The following HEPHL1 variants were observed in gnomAD, a reference collection of about 807,000 sequenced individuals.
HEPHL1 encodes ferroxidase HEPHL1.
Under a neutral mutation model 122.0 loss-of-function variants are expected in HEPHL1, and 123 were observed. That is an observed-to-expected ratio of 1.01 (90% CI 0.87 to 1.17). The LOEUF (loss-of-function observed/expected upper bound fraction) is 1.17, where lower values mean the gene tolerates loss of function less well. HEPHL1 is among the 50% of genes most tolerant of loss of function. The pLI is 0.00. For missense variants in HEPHL1, 1,452 were observed against 1,430.5 expected, an observed-to-expected ratio of 1.01 and a Z score of -0.24; for synonymous variants, 527 against 508.9, an observed-to-expected ratio of 1.04 and a Z score of -0.48.
intron 1 of HEPHL1, among the ~76,000 whole-genome samples, chr11:94,027,613 A>G (rs925270195): frequency 3.3e-5 from 5 of 152,196 alleles, no homozygotes; most frequent in Non-Finnish European, 7.4e-5. Context: ...TGATAGCTCT[A>G]CCATGGTCAC....
At chr11:94,096,412 AT>A (rs1946314320) in intron 13 of HEPHL1, among the ~76,000 whole-genome samples, 1 of 152,128 alleles carries the variant, frequency 6.6e-6, no homozygotes, top group African/African-American at 2.4e-5. Context: ...GTGCTGCTGG[AT>A]TCGTTTGCCA....
At chr11:94,097,680 G>T (rs2134449368) in intron 13 of HEPHL1, among the ~76,000 whole-genome samples, 1 of 152,022 alleles carries the variant, frequency 6.6e-6, no homozygotes, top group East Asian at 1.9e-4. Flanking sequence ...CTAAGGACTT[G>T]CTTTATGAAT....
chr11:94,078,804 G>C (rs1216987965), intron 9 of HEPHL1, among the ~76,000 whole-genome samples: 1 of 152,044 alleles, frequency 6.6e-6, no homozygotes, highest in Non-Finnish European at 1.5e-5. Context: ...ATGTCGGGAA[G>C]TACAATCAGT....
chr11:94,102,976 A>G lies in HEPHL1; in HGVS notation c.2638A>G (p.Asn880Asp), dbSNP rs1316391530. Residue 880 changes from asparagine to aspartate, a missense_variant, in exon 15 of 20, where the codon AAT becomes GAT. Transcript: ENST00000315765. Reference sequence around the variant, plus strand: ...ATCCGGTCCAGGGCCTTCTGATCCCAATTGTATTCCATGGGTTTACTATTC... The same window carrying G: ...ATCCGGTCCAGGGCCTTCTGATCCCGATTGTATTCCATGGGTTTACTATTC... ...KRSGPGPSDP[N>D]CIPWVYYSTV... The G allele has an allele frequency of 6.2e-7, 1 of 1,610,182 alleles. No individual in the cohort carries two copies. Among genetic ancestry groups the G allele is most frequent in the Admixed American group, 1.7e-5 (1 of 60,002 alleles).
At chr11:94,097,436 A>C (rs1344562776) in intron 13 of HEPHL1, among the ~76,000 whole-genome samples, 1 of 152,132 alleles carries the variant, frequency 6.6e-6, no homozygotes, top group Non-Finnish European at 1.5e-5. Context: ...TTTACTTCCA[A>C]CTATGTGGTC....
At chr11:94,096,131 A>G (rs926087678) in intron 13 of HEPHL1, among the ~76,000 whole-genome samples, 1 of 152,170 alleles carries the variant, frequency 6.6e-6, no homozygotes, top group Non-Finnish European at 1.5e-5. Context: ...GTTTTTGCCC[A>G]TTCAGTATGA....
At chr11:94,059,155 A>G (rs1456662331) in intron 2 of HEPHL1, among the ~76,000 whole-genome samples, 1 of 152,116 alleles carries the variant, frequency 6.6e-6, no homozygotes, top group African/African-American at 2.4e-5. Context: ...CATTTGTATA[A>G]AAGGGATTAT....
chr11:94,073,123 GA>G lies in HEPHL1; in HGVS notation c.1334del (p.Lys445ArgfsTer26). Reference protein sequence around the residue: ...TEFVDATFTKRKRLSAEEAHL... With the variant: ...TEFVDATFTKXKRLSAEEAHL... ...TTTGTTGATGCAACTTTTACTAAAA[GA>G]AAGAGACTCTCTGCTGAAGAAGCCC... On this transcript the variant is annotated frameshift_variant, in exon 7 of 20. Transcript: ENST00000315765. LOFTEE classifies it high-confidence loss of function. 6.2e-7 allele frequency: 1 copy of G among 1,613,194 alleles called. No individual in the cohort carries two copies. The highest frequency in any genetic ancestry group is 8.5e-7 in the Non-Finnish European group (1 of 1,179,464).
At chr11:94,090,954 G>A (rs963302532) in intron 12 of HEPHL1, among the ~76,000 whole-genome samples, 1 of 152,146 alleles carries the variant, frequency 6.6e-6, no homozygotes, top group African/African-American at 2.4e-5. Flanking sequence ...TGGGACCATC[G>A]GTACAATGTC....
intron 9 of HEPHL1, among the ~76,000 whole-genome samples, chr11:94,077,436 C>T (rs1025009361): frequency 3.3e-5 from 5 of 151,972 alleles, no homozygotes; most frequent in Admixed American, 1.3e-4. Flanking sequence ...ATGGAGTACA[C>T]GAGATGTTTT....
chr11:94,068,829 A>G (rs1404229868), intron 5 of HEPHL1, among the ~76,000 whole-genome samples: 1 of 152,174 alleles, frequency 6.6e-6, no homozygotes, highest in East Asian at 1.9e-4. Context: ...TGTTAATGGA[A>G]TAGACACAGA....
chr11:94,037,175 G>A (rs1279464098), intron 1 of HEPHL1, among the ~76,000 whole-genome samples: 1 of 152,206 alleles, frequency 6.6e-6, no homozygotes, highest in South Asian at 2.1e-4. Flanking sequence ...TTAAAAAACG[G>A]CGCACCACGA....
rs1020956875 is a variant in HEPHL1, at chr11:94,114,113, C to T, written c.*2219C>T. 6.6e-6 allele frequency among the ~76,000 whole-genome samples: 1 copy of T among 152,204 alleles called. No individual in the cohort carries two copies. The highest frequency in any genetic ancestry group is 1.5e-5 in the Non-Finnish European group (1 of 68,034). ...TCAAGACTTCATTCCCTTGGGTATC[C>T]ATTTTTCCTCCTGCATCTTTCTATG... On this transcript the variant is annotated 3_prime_UTR_variant, in exon 20 of 20. Transcript: ENST00000315765.
rs200078708 is a variant in HEPHL1 at position 94,106,053 on chromosome 11, A to C, written c.2968A>C (p.Asn990His). ...CATAATGAACGAAGATACAATGACA[A>C]ACTGGTATTTGTTAGGGATAGGAAG... ...GLIMNEDTMT[N>H]WYLLGIGSEV... is the part of the protein sequence containing the mutation. Residue 990 changes from asparagine (N) to histidine (H), a missense_variant, in exon 17 of 20, where the codon AAC (asparagine) becomes CAC (histidine). Coordinates refer to ENST00000315765, the MANE Select transcript of HEPHL1 (RefSeq NM_001098672.2). The C allele has an allele frequency of 2.1e-4, 333 of 1,601,622 alleles. No homozygotes were observed. In the Middle Eastern group the frequency reaches 3.5e-3, roughly 17 times the overall value.
At chr11:94,098,154 T>A (rs1160117687) in intron 13 of HEPHL1, among the ~76,000 whole-genome samples, 1 of 152,238 alleles carries the variant, frequency 6.6e-6, no homozygotes, top group African/African-American at 2.4e-5. Flanking sequence ...TGGCTGGTAC[T>A]GATTGTTCCT....
Position 94,101,195 on chromosome 11 carries a change from G to A in HEPHL1, c.2435G>A (p.Gly812Asp), listed in dbSNP as rs780129631. 3.1e-6 allele frequency: 5 copies of A among 1,613,616 alleles called. No individual in the cohort carries two copies. The highest frequency in any genetic ancestry group is 1.1e-5 in the South Asian group (1 of 91,004). The change falls in exon 14 of 20, where the codon GGC becomes GAC. Residue 812 changes from glycine (G) to aspartate (D), a missense_variant and splice_region_variant. Gly to Asp is a moderately conservative substitution (Grantham distance 94, BLOSUM62 -1). Transcript: ENST00000315765. ...PPREEHLELLGPMIHAEVGNT... is the reference protein window; with the variant it reads ...PPREEHLELLDPMIHAEVGNT... ...ACACAGGCCTGTGTTTTGCCTTTAG[G>A]CCCAATGATTCATGCTGAGGTGGGC...
intron 2 of HEPHL1, among the ~76,000 whole-genome samples, chr11:94,057,334 T>C (rs1406623225): frequency 1.3e-5 from 2 of 152,122 alleles, no homozygotes; most frequent in African/African-American, 4.8e-5. Context: ...CATTATTTCT[T>C]CAAATATTTA....
chr11:94,095,653 G>A (rs1946305177), intron 13 of HEPHL1, among the ~76,000 whole-genome samples: 1 of 152,178 alleles, frequency 6.6e-6, no homozygotes, highest in Non-Finnish European at 1.5e-5. Context: ...TCCTATCCAT[G>A]AGCATGGAAT....
chr11:94,093,410 C>A, intron 12 of HEPHL1, 91 bp from the exon 13 acceptor site: 1 of 1,436,080 alleles, frequency 7.0e-7, no homozygotes, highest in Non-Finnish European at 9.7e-7. Flanking sequence ...GTTTGGGGAG[C>A]ACTTCTCCAG....
Sources: gnomAD v4.1 joint callset for allele counts (sites outside exome capture counted in the v4.1 genomes callset) on GRCh38, gnomAD v4.1.1 for gene constraint, MANE v1.5 for transcripts, NCBI Gene and HGNC (gene_info 2026-07-23, HGNC 2026-07-21) for gene names.